The following FERRY3 variants were observed in gnomAD, a reference collection of about 807,000 sequenced individuals.
FERRY3 encodes the protein FERRY endosomal RAB5 effector complex subunit 3, also known as protein C12orf4.
At chr12:4,503,474 G>A in the FERRY3 span, among the ~76,000 whole-genome samples, 16 of 152,040 alleles carry the variant, frequency 1.1e-4, no homozygotes, top group South Asian at 2.9e-3. Flanking sequence ...ACTATGACTG[G>A]CTTACAAGTA....
the FERRY3 span, among the ~76,000 whole-genome samples, chr12:4,523,622 C>T: frequency 2.6e-4 from 40 of 152,208 alleles, no homozygotes; most frequent in East Asian, 4.8e-3. Context: ...TGGAATACTA[C>T]GCAGCCATAA....
chr12:4,536,957 C>T, the FERRY3 span, among the ~76,000 whole-genome samples: 1 of 152,190 alleles, frequency 6.6e-6, no homozygotes, highest in Admixed American at 6.5e-5. Context: ...AAGGAATATA[C>T]TTATCTGATC....
chr12:4,495,274 G>A, the FERRY3 span, among the ~76,000 whole-genome samples: 1 of 152,158 alleles, frequency 6.6e-6, no homozygotes, highest in East Asian at 1.9e-4. Context: ...ATAACTATTT[G>A]TATCATCTTA....
the FERRY3 span, chr12:4,534,110 A>G: frequency 1.3e-6 from 2 of 1,512,454 alleles, no homozygotes; most frequent in Non-Finnish European, 1.8e-6. Context: ...AATTTTCACC[A>G]AAATCCAGAA....
chr12:4,517,710 C>CAGAGAGAGAGAGAGAG, the FERRY3 span, among the ~76,000 whole-genome samples: 282 of 132,246 alleles, frequency 2.1e-3, 3 homozygotes, highest in African/African-American at 7.4e-3. Flanking sequence ...TATATATAGA[C>CAGAGAGAGAGAGAGAG]AGAGAGAGAG....
chr12:4,537,254 T>C, the FERRY3 span, among the ~76,000 whole-genome samples: 1 of 152,214 alleles, frequency 6.6e-6, no homozygotes, highest in Non-Finnish European at 1.5e-5. Flanking sequence ...TTGCTAATTC[T>C]TCAGGTCTCA....
At chr12:4,521,358 ACT>A in the FERRY3 span, among the ~76,000 whole-genome samples, 1 of 151,954 alleles carries the variant, frequency 6.6e-6, no homozygotes, top group Non-Finnish European at 1.5e-5. Context: ...ACAGAGAAAG[ACT>A]CTGTCTCGGG....
the FERRY3 span, chr12:4,525,289 G>C: frequency 1.2e-6 from 2 of 1,613,488 alleles, no homozygotes; most frequent in Non-Finnish European, 1.7e-6. Context: ...TTAGGTCTTG[G>C]TGAAGTTTTA....
chr12:4,513,909 C>T, the FERRY3 span, among the ~76,000 whole-genome samples: 4 of 151,960 alleles, frequency 2.6e-5, no homozygotes, highest in Middle Eastern at 6.8e-3. Context: ...CTAATTAAAC[C>T]AAAGAGCTTC....
the FERRY3 span, among the ~76,000 whole-genome samples, chr12:4,510,083 AT>A: frequency 1.2e-4 from 17 of 140,464 alleles, no homozygotes; most frequent in Non-Finnish European, 2.6e-4. Context: ...AAGGCTCGAG[AT>A]CTACGTGAAG....
At chr12:4,510,320 T>C in the FERRY3 span, among the ~76,000 whole-genome samples, 1 of 143,870 alleles carries the variant, frequency 7.0e-6, no homozygotes, top group Non-Finnish European at 1.5e-5. Context: ...GAAAACACTC[T>C]GCAGGATATT....
chr12:4,525,470 T>C, the FERRY3 span: 6 of 1,606,502 alleles, frequency 3.7e-6, no homozygotes, highest in Admixed American at 8.5e-5. Context: ...TAAAAGTCAC[T>C]GTATTTCACT....
At chr12:4,500,383 A>C in the FERRY3 span, 7 of 1,546,418 alleles carry the variant, frequency 4.5e-6, no homozygotes, top group African/African-American at 5.5e-5. Flanking sequence ...ATGCCTAAGT[A>C]AGTCACATTC....
At chr12:4,521,907 C>A in the FERRY3 span, among the ~76,000 whole-genome samples, 1,134 of 152,116 alleles carry the variant, frequency 7.5e-3, 3 homozygotes, top group Non-Finnish European at 0.012. Context: ...AGATAGAAAC[C>A]ATTTAAAAAT....
chr12:4,527,895 C>T, the FERRY3 span, among the ~76,000 whole-genome samples: 1 of 150,872 alleles, frequency 6.6e-6, no homozygotes, highest in East Asian at 1.9e-4. Context: ...CAAACCTCTA[C>T]TAAAAAACTA....
the FERRY3 span, among the ~76,000 whole-genome samples, chr12:4,503,928 C>T: frequency 6.6e-6 from 1 of 152,036 alleles, no homozygotes; most frequent in Admixed American, 6.5e-5. Context: ...TTTAAGAAAG[C>T]CACAAAATCT....
chr12:4,535,881 T>G, the FERRY3 span: 19 of 597,098 alleles, frequency 3.2e-5, no homozygotes, highest in Non-Finnish European at 4.8e-5. The surrounding 1 kb of genome is among the most constrained non-coding windows in gnomAD (Gnocchi z 4.0). Flanking sequence ...AGAAATGTTT[T>G]TATTCTTGGA....
At chr12:4,530,455 T>A in the FERRY3 span, among the ~76,000 whole-genome samples, 4 of 152,204 alleles carry the variant, frequency 2.6e-5, no homozygotes, top group Admixed American at 6.5e-5. Context: ...TATTCTAACA[T>A]ACTGTATGGT....
chr12:4,536,137 T>A, the FERRY3 span: 2 of 1,604,224 alleles, frequency 1.2e-6, no homozygotes, highest in Non-Finnish European at 1.7e-6. Context: ...CTTCCTACTT[T>A]AAATTTATAT....
Sources: gnomAD v4.1 joint callset for allele counts (sites outside exome capture counted in the v4.1 genomes callset) on GRCh38, gnomAD v4.1.1 for gene constraint, Gnocchi (gnomAD v3.1) non-coding constraint, MANE v1.5 for transcripts, NCBI Gene and HGNC (gene_info 2026-07-23, HGNC 2026-07-21) for gene names.